Variants in TARBP1 observed in about 807,000 individuals in gnomAD.
TARBP1 encodes tRNA guanosine 2 -O-methyltransferase TARBP1.
Under a neutral mutation model 178.6 loss-of-function variants are expected in TARBP1, and 144 were observed. That is an observed-to-expected ratio of 0.81 (90% CI 0.70 to 0.93). The LOEUF is 0.93. Ranked by LOEUF, TARBP1 falls within the 40% of genes least tolerant of loss-of-function variation. The probability of loss-of-function intolerance (pLI) is 0.00; values close to 1 mark genes in which losing one functional copy is unlikely to be tolerated. For synonymous variants in TARBP1, 787 were observed against 781.0 expected, an observed-to-expected ratio of 1.01 and a Z score of -0.13; for missense variants, 2,067 against 2,011.7, an observed-to-expected ratio of 1.03 and a Z score of -0.53.
chr1:234,391,878 C>G, intron 29 of TARBP1, 133 bp from the exon 30 acceptor site: 1 of 981,998 alleles, frequency 1.0e-6, no homozygotes, highest in Non-Finnish European at 1.5e-6. Context: ...GAAACATTAA[C>G]AAATGAAGTT....
At chr1:234,464,294 C>T (rs553932165) in intron 5 of TARBP1, among the ~76,000 whole-genome samples, 3 of 152,286 alleles carry the variant, frequency 2.0e-5, no homozygotes, top group Admixed American at 1.3e-4. Flanking sequence ...AATCCAATGA[C>T]TTTAAATTTT....
chr1:234,433,597 G>C (rs1405080077), intron 13 of TARBP1, 26 bp from the exon 14 acceptor site: 20 of 1,595,718 alleles, frequency 1.3e-5, no homozygotes, highest in Non-Finnish European at 1.7e-5. Flanking sequence ...AAACACTTAA[G>C]GGTACAAGCA....
chr1:234,478,877 AG>A lies in TARBP1; in HGVS notation c.226del (p.Leu76CysfsTer22). 7.7e-7 allele frequency: 1 copy of A among 1,301,456 alleles called. No homozygotes were observed. Among genetic ancestry groups the A allele is most frequent in the African/African-American group, 1.6e-5 (1 of 64,188 alleles). 80.6% of individuals were successfully genotyped at this position (1,301,456 alleles called of 1,614,324 possible). A position where few individuals can be genotyped will look rare whatever the true frequency, so the allele number is the denominator to read the frequency against. ...CGGGCCGCCCGCGGGGCGTCCGCGC[AG>A]GCTCCGCAGCAGTGGCACGAGGTAC... ...AGYLVPLLRS[L>X]RGRPAGGPDP... On this transcript the variant is annotated frameshift_variant, in exon 1 of 30. Transcript: ENST00000040877. LOFTEE classifies it high-confidence loss of function.
At chr1:234,409,944 C>A (rs891894914) in intron 23 of TARBP1, among the ~76,000 whole-genome samples, 1 of 152,186 alleles carries the variant, frequency 6.6e-6, no homozygotes, top group African/African-American at 2.4e-5. Flanking sequence ...TGAGAACTTA[C>A]AGGGGAAATT....
At chr1:234,478,033 T>G in intron 1 of TARBP1, 140 bp downstream of exon 1, 1 of 796,788 alleles carries the variant, frequency 1.3e-6, no homozygotes, top group Non-Finnish European at 1.9e-6. Flanking sequence ...TTTTCAGGCT[T>G]TAGGGGAGCA....
chr1:234,411,507 C>A (rs1572239966), intron 22 of TARBP1, among the ~76,000 whole-genome samples: 1 of 152,038 alleles, frequency 6.6e-6, no homozygotes, highest in African/African-American at 2.4e-5. Context: ...GGTTAGAGAA[C>A]AGATAAGTGA....
chr1:234,475,107 TCTTTTCTTCAAGCCTG>T (rs1474489938), intron 1 of TARBP1, among the ~76,000 whole-genome samples: 1 of 152,196 alleles, frequency 6.6e-6, no homozygotes, highest in African/African-American at 2.4e-5. Context: ...ATTCACCAGC[TCTTTTCTTCAAGCCTG>T]CCCCGGTGCT....
chr1:234,468,421 C>T (rs1008815970), intron 3 of TARBP1, among the ~76,000 whole-genome samples: 2 of 152,028 alleles, frequency 1.3e-5, no homozygotes, highest in Non-Finnish European at 2.9e-5. Flanking sequence ...TGAGCCCAGG[C>T]CCCGCCACTG....
intron 12 of TARBP1, among the ~76,000 whole-genome samples, chr1:234,442,180 G>A (rs1184138018): frequency 6.6e-6 from 1 of 152,140 alleles, no homozygotes; most frequent in Admixed American, 6.5e-5. Context: ...CTGGGGCTAA[G>A]GCAGAGTTCT....
rs766485621 is a variant in TARBP1, at chr1:234,451,748, C to CAAAAAAAAAAAAAAAAAAAAAAAAAA, written c.1723-1183_1723-1182insTTTTTTTTTTTTTTTTTTTTTTTTTT. On this transcript the variant is annotated intron_variant, in intron 9 of 29. Transcript: ENST00000040877. ...TGGGCGACAGAGCGAGACTCCGTCTCAAAAAAAAAAAAAAAAAATGATGAA... is the reference window on the plus strand; with the variant it reads ...TGGGCGACAGAGCGAGACTCCGTCTCAAAAAAAAAAAAAAAAAAAAAAAAAAAAAAAAAAAAAAAAAAAATGATGAA... Among the ~76,000 whole-genome samples the CAAAAAAAAAAAAAAAAAAAAAAAAAA allele has an allele frequency of 3.0e-4, 2 of 6,624 alleles. 1 individual carries two copies. The highest frequency in any genetic ancestry group is 4.4e-4 in the Non-Finnish European group (2 of 4,516). The allele number at this position is 6,624 out of a possible 152,430, so 4.3% of individuals were successfully genotyped here. A position where few individuals can be genotyped will look rare whatever the true frequency, so the allele number is the denominator to read the frequency against.
At chr1:234,431,487 C>T (rs1203932791) in intron 14 of TARBP1, among the ~76,000 whole-genome samples, 1 of 152,158 alleles carries the variant, frequency 6.6e-6, no homozygotes. Flanking sequence ...TTATCATTTC[C>T]TCCTAGAATT....
intron 6 of TARBP1, among the ~76,000 whole-genome samples, chr1:234,462,820 A>G (rs555707975): frequency 3.3e-5 from 5 of 152,074 alleles, no homozygotes; most frequent in Non-Finnish European, 7.4e-5. Context: ...TACAGACCAT[A>G]TTTTCCCTTT....
Position 234,478,327 on chromosome 1 carries a change from G to A in TARBP1, c.777C>T (p.Ala259=). Residue 259 remains alanine, a synonymous_variant, in exon 1 of 30, where the codon GCC becomes GCT. Coordinates refer to ENST00000040877, the MANE Select transcript of TARBP1 (RefSeq NM_005646.4). The part of the protein sequence containing the change: ...ARGAREAGPD[A]RRCWRFWRTV... Reference sequence around the variant, plus strand: ...TCCTCCAGAAGCGCCAGCAGCGCCGGGCGTCCGGGCCCGCCTCGCGCGCGC... The same window carrying A: ...TCCTCCAGAAGCGCCAGCAGCGCCGAGCGTCCGGGCCCGCCTCGCGCGCGC... The A allele has an allele frequency of 7.3e-7, 1 of 1,367,494 alleles. No homozygotes were observed. Among genetic ancestry groups the A allele is most frequent in the Non-Finnish European group, 9.4e-7 (1 of 1,060,786 alleles). 84.7% of individuals were successfully genotyped at this position (1,367,494 alleles called of 1,614,324 possible). A position where few individuals can be genotyped will look rare whatever the true frequency, so the allele number is the denominator to read the frequency against.
At chr1:234,457,569 C>CA in intron 9 of TARBP1, 98 bp downstream of exon 9, 1 of 742,780 alleles carries the variant, frequency 1.3e-6, no homozygotes, top group Middle Eastern at 4.1e-4. Flanking sequence ...GATAACAAAG[C>CA]AATCATTATA....
At chr1:234,399,087 A>T (rs1660418618) in intron 25 of TARBP1, among the ~76,000 whole-genome samples, 1 of 152,362 alleles carries the variant, frequency 6.6e-6, no homozygotes, top group Non-Finnish European at 1.5e-5. Flanking sequence ...AAATCAGATT[A>T]CAACAACATA....
chr1:234,451,766 A>AAAAAAAAAACAAAAAAACAAAAAAAC (rs57636903), intron 9 of TARBP1, among the ~76,000 whole-genome samples: 1 of 17,166 alleles, frequency 5.8e-5, no homozygotes, highest in African/African-American at 4.1e-4. Flanking sequence ...AAAAAAAAAA[A>AAAAAAAAAACAAAAAAACAAAAAAAC]TGATGAATGA....
At chr1:234,436,447 A>C (rs2103158096) in intron 13 of TARBP1, among the ~76,000 whole-genome samples, 2 of 152,344 alleles carry the variant, frequency 1.3e-5, no homozygotes, top group South Asian at 4.1e-4. Flanking sequence ...TTGCTTGATA[A>C]AAATTAAGGA....
intron 10 of TARBP1, 137 bp downstream of exon 10, chr1:234,450,291 T>C (rs927186368): frequency 3.3e-6 from 2 of 607,964 alleles, no homozygotes; most frequent in Non-Finnish European, 5.4e-6. Flanking sequence ...TTTCACATTA[T>C]TTTACTGAAA....
At position 234,404,060 on chromosome 1, in the gene TARBP1, C is replaced by T. The variant is rs181485273; in HGVS notation, c.3989+1843G>A. The stretch of plus-strand genomic sequence containing the variant: ...TTTTTAAAGTTATTTTTTAAAAGTG[C>T]GTTTTATTGCTTAATAAAAAATATG... On this transcript the variant is annotated intron_variant, in intron 24 of 29. Transcript: ENST00000040877. Among the ~76,000 whole-genome samples the T allele has an allele frequency of 6.5e-4, 99 of 152,212 alleles. 2 individuals are homozygous for T. The highest frequency in any genetic ancestry group is 2.2e-3 in the African/African-American group (90 of 41,516).
Sources: gnomAD v4.1 joint callset for allele counts (sites outside exome capture counted in the v4.1 genomes callset) on GRCh38, gnomAD v4.1.1 for gene constraint, MANE v1.5 for transcripts, NCBI Gene and HGNC (gene_info 2026-07-23, HGNC 2026-07-21) for gene names.